Variants in NDRG1 observed in about 807,000 individuals in gnomAD.
NDRG1 encodes the protein N-myc downstream regulated 1.
A neutral mutation model predicts 56.9 loss-of-function variants in NDRG1; 32 were observed. That is an observed-to-expected ratio of 0.56 (90% confidence interval 0.42 to 0.76). The LOEUF (loss-of-function observed/expected upper bound fraction) is 0.76. Ranked by LOEUF, NDRG1 falls within the 30% of genes least tolerant of loss-of-function variation. The probability of loss-of-function intolerance (pLI) is 0.00; values close to 1 mark genes in which losing one functional copy is unlikely to be tolerated. For missense variants in NDRG1, 507 were observed against 545.7 expected, an observed-to-expected ratio of 0.93 and a Z score of 0.71; for synonymous variants, 211 against 204.1, an observed-to-expected ratio of 1.03 and a Z score of -0.29.
chr8:133,248,806 C>A, intron 10 of NDRG1, 35 bp from the exon 11 acceptor site: 2 of 1,613,352 alleles, frequency 1.2e-6, no homozygotes, highest in South Asian at 1.1e-5. Flanking sequence ...GCATGAGGAC[C>A]CCTCCCCTGG....
At chr8:133,257,473 C>T (rs1157596778) in intron 7 of NDRG1, among the ~76,000 whole-genome samples, 1 of 152,108 alleles carries the variant, frequency 6.6e-6, no homozygotes, top group Non-Finnish European at 1.5e-5. Context: ...ATAGAACAGC[C>T]CTTTGCTCCT....
At chr8:133,283,985 G>C (rs773522046) in intron 2 of NDRG1, among the ~76,000 whole-genome samples, 22 of 152,234 alleles carry the variant, frequency 1.4e-4, no homozygotes, top group Non-Finnish European at 2.4e-4. Context: ...CCCAGCCCTC[G>C]ATCCTATGGG....
intron 3 of NDRG1, among the ~76,000 whole-genome samples, chr8:133,278,810 C>T (rs998252238): frequency 6.6e-6 from 1 of 151,982 alleles, no homozygotes; most frequent in African/African-American, 2.4e-5. Context: ...GAGGTGAGGC[C>T]CAGAGTCTGG....
Position 133,237,579 on chromosome 8 carries a change from G to A in NDRG1, c.*1299C>T, listed in dbSNP as rs926267815. Reference sequence around the variant, plus strand: ...AAACGTCAGTGGTGCTGCCCCATTCGGCGAAAGGTTAGGGAGCAGGAAAAG... The same window carrying A: ...AAACGTCAGTGGTGCTGCCCCATTCAGCGAAAGGTTAGGGAGCAGGAAAAG... On this transcript the variant is annotated 3_prime_UTR_variant, in exon 16 of 16. Transcript: ENST00000323851. 28 of 233,186 alleles carry A rather than the reference G, an allele frequency of 1.2e-4. 1 individual carries two copies. Among genetic ancestry groups the A allele is most frequent in the Non-Finnish European group, 1.9e-4 (22 of 118,024 alleles). The allele number at this position is 233,186 out of a possible 1,614,324, so 14.4% of individuals were successfully genotyped here.
rs535396194 is a variant in NDRG1 at position 133,238,820 on chromosome 8, G to A, written c.*58C>T. 1.0e-4 allele frequency: 155 copies of A among 1,518,286 alleles called. No homozygotes were observed. The highest frequency in any genetic ancestry group is 1.2e-4 in the Non-Finnish European group (134 of 1,135,784). The allele number at this position is 1,518,286 out of a possible 1,614,324, so 94.1% of individuals were successfully genotyped here. ...GGCAGGCAGGGGGCGAAAAGGGGCC[G>A]GGGAGGAGGGGGCCACTACAGAGAT... On this transcript the variant is annotated 3_prime_UTR_variant, in exon 16 of 16. Coordinates refer to ENST00000323851, the MANE Select transcript of NDRG1 (RefSeq NM_006096.4).
At chr8:133,255,471 G>GCTGT in intron 8 of NDRG1, 1 of 437,930 alleles carries the variant, frequency 2.3e-6, no homozygotes, top group Non-Finnish European at 4.7e-6. Context: ...AGCTATTAAA[G>GCTGT]ACAATCCTCA....
chr8:133,255,148 TA>T (rs1442778558), intron 8 of NDRG1: 2 of 369,592 alleles, frequency 5.4e-6, no homozygotes, highest in East Asian at 1.5e-4. Context: ...AGAAGCTCCA[TA>T]AATGTGTGCT....
At chr8:133,270,992 T>C (rs1857158252) in intron 3 of NDRG1, among the ~76,000 whole-genome samples, 1 of 152,262 alleles carries the variant, frequency 6.6e-6, no homozygotes, top group East Asian at 1.9e-4. Flanking sequence ...TCCATGTCAG[T>C]TGTTATGGAC....
intron 3 of NDRG1, among the ~76,000 whole-genome samples, chr8:133,278,540 C>T (rs1857586188): frequency 6.6e-6 from 1 of 152,194 alleles, no homozygotes; most frequent in African/African-American, 2.4e-5. Flanking sequence ...TGGACCTCAG[C>T]ACATGAGTGG....
At chr8:133,266,856 A>T (rs1000666525) in intron 3 of NDRG1, among the ~76,000 whole-genome samples, 2 of 152,142 alleles carry the variant, frequency 1.3e-5, no homozygotes, top group Admixed American at 6.5e-5. Flanking sequence ...GAGAAAGAGG[A>T]TTTAACCCAC....
chr8:133,258,693 C>T (rs139476100), intron 6 of NDRG1, among the ~76,000 whole-genome samples: 5 of 152,340 alleles, frequency 3.3e-5, no homozygotes, highest in African/African-American at 7.2e-5. Context: ...AGGCCCGTTA[C>T]GGCATCATTT....
intron 2 of NDRG1, among the ~76,000 whole-genome samples, chr8:133,282,122 C>A (rs561512318): frequency 6.6e-6 from 1 of 152,326 alleles, no homozygotes; most frequent in African/African-American, 2.4e-5. Flanking sequence ...AATGGGCAAG[C>A]TCTTAGACAT....
intron 9 of NDRG1, among the ~76,000 whole-genome samples, chr8:133,252,322 T>C (rs1275865802): frequency 1.3e-5 from 2 of 152,200 alleles, no homozygotes; most frequent in African/African-American, 4.8e-5. Context: ...CTCGAACTCC[T>C]GACCTCAGGT....
intron 3 of NDRG1, among the ~76,000 whole-genome samples, chr8:133,279,035 G>A (rs1857622366): frequency 6.6e-6 from 1 of 152,048 alleles, no homozygotes; most frequent in Non-Finnish European, 1.5e-5. Flanking sequence ...GGTTATAGGT[G>A]CTTACCACCA....
Position 133,242,086 on chromosome 8 carries a change from A to G in NDRG1, c.892-12T>C. 1 of 1,614,218 alleles carries G rather than the reference A, an allele frequency of 6.2e-7. No homozygotes were observed. Among genetic ancestry groups the G allele is most frequent in the South Asian group, 1.1e-5 (1 of 91,082 alleles). On this transcript the variant is annotated splice_polypyrimidine_tract_variant and intron_variant, in intron 14 of 15. Transcript: ENST00000323851. Reference sequence around the variant, plus strand: ...GCGAGCTTGGCCGGCTGCGAGAGACAAGGAGAGAAAATGCAGTCAGTTGCT... The same window carrying G: ...GCGAGCTTGGCCGGCTGCGAGAGACGAGGAGAGAAAATGCAGTCAGTTGCT...
chr8:133,258,513 C>A, intron 6 of NDRG1, 87 bp from the exon 7 acceptor site: 10 of 1,362,712 alleles, frequency 7.3e-6, no homozygotes, highest in Non-Finnish European at 1.0e-5. Flanking sequence ...TGAGGGTGAC[C>A]GCCTGGCTAG....
intron 10 of NDRG1, 127 bp downstream of exon 10, chr8:133,250,313 A>G (rs373560784): frequency 1.9e-5 from 17 of 890,110 alleles, no homozygotes; most frequent in South Asian, 1.1e-4. Flanking sequence ...CTATTAATCT[A>G]TTTGCTCAAA....
At chr8:133,256,979 G>T in intron 7 of NDRG1, 116 bp from the exon 8 acceptor site, 1 of 989,882 alleles carries the variant, frequency 1.0e-6, no homozygotes, top group Non-Finnish European at 1.6e-6. Flanking sequence ...GTGGGCAGCA[G>T]AGCAGGCTGC....
chr8:133,282,442 T>G (rs563198140), intron 2 of NDRG1, among the ~76,000 whole-genome samples: 1 of 152,222 alleles, frequency 6.6e-6, no homozygotes, highest in African/African-American at 2.4e-5. Flanking sequence ...GGACTGATGT[T>G]GAAAAGATCT....
Sources: allele counts gnomAD v4.1 joint callset (sites outside exome capture counted in the v4.1 genomes callset), GRCh38; gene constraint gnomAD v4.1.1; transcripts MANE v1.5; gene names NCBI Gene and HGNC (gene_info 2026-07-23, HGNC 2026-07-21).